CCDC3: variants seen among roughly 807,000 people sequenced by gnomAD.
CCDC3 encodes coiled-coil domain-containing protein 3.
In CCDC3, 24 loss-of-function variants were observed where a neutral mutation model predicts 21.4. That is an observed-to-expected ratio of 1.12 (90% CI 0.81 to 1.58). The LOEUF (loss-of-function observed/expected upper bound fraction) is 1.58, where lower values mean the gene tolerates loss of function less well. Among genes scored for constraint, CCDC3 ranks in the 40% most tolerant of loss-of-function variants. The pLI, the probability that CCDC3 is intolerant of heterozygous loss-of-function variation, is 0.00. For synonymous variants in CCDC3, 186 were observed against 166.0 expected (o/e 1.12, Z -0.93); for missense variants, 425 against 360.9 (o/e 1.18, Z -1.44).
At chr10:13,085,176 G>A (rs917716363) in intron 3 of CCDC3, among the ~76,000 whole-genome samples, 3 of 152,136 alleles carry the variant, frequency 2.0e-5, no homozygotes, top group Non-Finnish European at 4.4e-5. Flanking sequence ...CAAGGCACTG[G>A]AGTCTGCCTA....
At chr10:13,029,824 A>G (rs1836275553) in intron 5 of CCDC3, among the ~76,000 whole-genome samples, 1 of 152,240 alleles carries the variant, frequency 6.6e-6, no homozygotes, top group African/African-American at 2.4e-5. Flanking sequence ...AAAGCCTCCA[A>G]GAAATATGGG....
intron 2 of CCDC3, among the ~76,000 whole-genome samples, chr10:12,937,278 G>T (rs1449038991): frequency 6.6e-6 from 1 of 152,060 alleles, no homozygotes; most frequent in East Asian, 1.9e-4. Context: ...TGACTTCTCA[G>T]CCCCTTACAG....
chr10:12,938,198 C>T lies in CCDC3; in HGVS notation c.550-39519G>A, dbSNP rs553537276. Among the ~76,000 whole-genome samples the T allele has an allele frequency of 2.6e-5, 4 of 152,286 alleles. No homozygotes were observed. The East Asian group carries it at 7.7e-4, about 29-fold the overall frequency. On this transcript the variant is annotated intron_variant, in intron 2 of 2. Coordinates refer to ENST00000378825, the MANE Select transcript of CCDC3 (RefSeq NM_031455.4). Reference sequence around the variant, plus strand: ...TGGTATTTCCAAACTAACCTCCACCCACAGAGAGGAATGCTTCAGCTTTTG... The same window carrying T: ...TGGTATTTCCAAACTAACCTCCACCTACAGAGAGGAATGCTTCAGCTTTTG...
intron 3 of CCDC3, among the ~76,000 whole-genome samples, chr10:13,091,034 G>A (rs1291316090): frequency 6.6e-6 from 1 of 152,148 alleles, no homozygotes; most frequent in African/African-American, 2.4e-5. Context: ...GATGTTCAAG[G>A]GCAGGAAGCA....
chr10:12,917,659 A>C (rs1589004325), intron 2 of CCDC3, among the ~76,000 whole-genome samples: 1 of 152,170 alleles, frequency 6.6e-6, no homozygotes, highest in South Asian at 2.1e-4. Context: ...CTGACATCCT[A>C]TTTCTTGGAA....
At chr10:12,899,549 C>T (rs1834061761) in intron 2 of CCDC3, among the ~76,000 whole-genome samples, 1 of 152,122 alleles carries the variant, frequency 6.6e-6, no homozygotes. Context: ...AAAAAATACC[C>T]ATCAAGAGAG....
intron 5 of CCDC3, among the ~76,000 whole-genome samples, chr10:13,025,934 A>C (rs1836208331): frequency 6.6e-6 from 1 of 152,126 alleles, no homozygotes; most frequent in South Asian, 2.1e-4. Context: ...TAATCCCAGC[A>C]CTTTGGGAGC....
intron 5 of CCDC3, among the ~76,000 whole-genome samples, chr10:13,041,098 T>G (rs1836448658): frequency 6.6e-6 from 1 of 152,094 alleles, no homozygotes; most frequent in South Asian, 2.1e-4. Flanking sequence ...CTAGCAGCCT[T>G]TTTAGTAAGT....
At chr10:13,017,228 G>A (rs1836075832) in intron 5 of CCDC3, among the ~76,000 whole-genome samples, 1 of 151,902 alleles carries the variant, frequency 6.6e-6, no homozygotes, top group South Asian at 2.1e-4. Context: ...AAGAATACCT[G>A]TTTTATGGCC....
intron 4 of CCDC3, among the ~76,000 whole-genome samples, chr10:13,071,695 A>C (rs1836884150): frequency 6.6e-6 from 1 of 152,192 alleles, no homozygotes; most frequent in Non-Finnish European, 1.5e-5. Flanking sequence ...GGAACGCCTC[A>C]CTTTCCGTCC....
chr10:12,986,857 C>G (rs752885344), intron 2 of CCDC3, among the ~76,000 whole-genome samples: 6 of 152,058 alleles, frequency 3.9e-5, no homozygotes, highest in Non-Finnish European at 8.8e-5. Context: ...AATAATATAG[C>G]ATTTGTCCCT....
rs761431159 is a variant in CCDC3 at position 13,090,074 on chromosome 10, T to G, written c.-503+8451A>C. Reference sequence around the variant, plus strand: ...ATATATATATATATATATATATATATATATCACCGTTTCTTTCTTTTTTTT... The same window carrying G: ...ATATATATATATATATATATATATAGATATCACCGTTTCTTTCTTTTTTTT... On this transcript the variant is annotated intron_variant, in intron 3 of 6. Coordinates refer to the CCDC3 transcript ENST00000378839. Among the ~76,000 whole-genome samples the G allele has an allele frequency of 3.7e-4, 52 of 138,770 alleles. 3 individuals are homozygous for G. The highest frequency in any genetic ancestry group is 5.3e-4 in the Non-Finnish European group (34 of 64,004). 91.0% of individuals were successfully genotyped at this position (138,770 alleles called of 152,430 possible).
chr10:13,057,355 G>T (rs966330032), intron 4 of CCDC3, among the ~76,000 whole-genome samples: 1 of 151,956 alleles, frequency 6.6e-6, no homozygotes, highest in African/African-American at 2.4e-5. Flanking sequence ...ATTCCTTCCA[G>T]CTGGGAGCTC....
intron 3 of CCDC3, among the ~76,000 whole-genome samples, chr10:13,077,338 C>A (rs1430886697): frequency 2.6e-5 from 4 of 152,120 alleles, no homozygotes; most frequent in Admixed American, 6.5e-5. Context: ...AACTACAAAC[C>A]ACTGCTGAAC....
intron 2 of CCDC3, among the ~76,000 whole-genome samples, chr10:12,946,868 C>G (rs927944862): frequency 6.6e-6 from 1 of 152,140 alleles, no homozygotes; most frequent in African/African-American, 2.4e-5. Context: ...TGTACTACCT[C>G]AAAATTATAC....
intron 2 of CCDC3, among the ~76,000 whole-genome samples, chr10:12,988,874 C>T (rs1198656386): frequency 3.3e-5 from 5 of 152,194 alleles, no homozygotes; most frequent in Non-Finnish European, 5.9e-5. Context: ...AAAAAGACCA[C>T]CATCCTACCT....
intron 5 of CCDC3, among the ~76,000 whole-genome samples, chr10:13,028,687 G>A (rs554381788): frequency 6.6e-6 from 1 of 152,102 alleles, no homozygotes; most frequent in Non-Finnish European, 1.5e-5. Context: ...TGCCCCACAC[G>A]CCAAACAACT....
intron 3 of CCDC3, among the ~76,000 whole-genome samples, chr10:13,097,064 CCAAA>C (rs1191713232): frequency 6.6e-6 from 1 of 152,150 alleles, no homozygotes; most frequent in Non-Finnish European, 1.5e-5. Context: ...GTTGCTAACT[CCAAA>C]CAGAGGAGAT....
intron 5 of CCDC3, among the ~76,000 whole-genome samples, chr10:13,017,502 G>C (rs1836080203): frequency 8.8e-6 from 1 of 113,816 alleles, no homozygotes; most frequent in Admixed American, 1.2e-4. Flanking sequence ...GGATGACAGA[G>C]CAAGACTCCA....
Sources: allele counts gnomAD v4.1 joint callset (sites outside exome capture counted in the v4.1 genomes callset), GRCh38; gene constraint gnomAD v4.1.1; transcripts MANE v1.5; gene names NCBI Gene and HGNC (gene_info 2026-07-23, HGNC 2026-07-21).